Variants in AFF3 observed in about 807,000 individuals in gnomAD.
AFF3 encodes the protein AF4/FMR2 family member 3.
In AFF3, 32 loss-of-function variants were observed where a neutral mutation model predicts 129.7. The ratio of observed to expected loss-of-function variants is 0.25; its 90% confidence interval spans 0.19 to 0.33. The LOEUF (loss-of-function observed/expected upper bound fraction) is 0.33, where lower values mean the gene tolerates loss of function less well. Among genes scored for constraint, AFF3 ranks in the 10% least tolerant of loss-of-function variants. AFF3 has a pLI of 1.00. For missense variants in AFF3, 1,373 were observed against 1,592.0 expected, an observed-to-expected ratio of 0.86 and a Z score of 2.34; for synonymous variants, 644 against 635.4, an observed-to-expected ratio of 1.01 and a Z score of -0.20.
intron 7 of AFF3, among the ~76,000 whole-genome samples, chr2:99,959,339 CAAAAAA>C (rs34083581): frequency 1.5e-4 from 10 of 66,936 alleles, no homozygotes; most frequent in Non-Finnish European, 2.6e-4. Flanking sequence ...AAGAGTCTGC[CAAAAAA>C]AAAAAAAAAA....
At chr2:100,069,197 T>C (rs1687973879) in intron 4 of AFF3, among the ~76,000 whole-genome samples, 1 of 152,174 alleles carries the variant, frequency 6.6e-6, no homozygotes, top group Non-Finnish European at 1.5e-5. Flanking sequence ...TTTTTAACTG[T>C]GTGATACTGA....
At chr2:99,810,044 G>GT (rs2105579142) in intron 8 of AFF3, among the ~76,000 whole-genome samples, 1 of 152,298 alleles carries the variant, frequency 6.6e-6, no homozygotes, top group African/African-American at 2.4e-5. Flanking sequence ...CTGGACTACA[G>GT]TAAGTGCTCA....
At chr2:100,135,864 G>A (rs771482578) in intron 1 of AFF3, among the ~76,000 whole-genome samples, 3 of 152,180 alleles carry the variant, frequency 2.0e-5, no homozygotes, top group Non-Finnish European at 4.4e-5. Flanking sequence ...GAGACCATAG[G>A]ATCTAGGACC....
At position 99,588,003 on chromosome 2, in the gene AFF3, C is replaced by T. The variant is rs557904665; in HGVS notation, c.2467-725G>A. On this transcript the variant is annotated intron_variant, in intron 15 of 24. Transcript: ENST00000672756. Reference sequence around the variant, plus strand: ...CCAGCCTGGTGACAGAGTGAGACTCCGTCTCAAAAAAAAAAAAAAAAATTA... The same window carrying T: ...CCAGCCTGGTGACAGAGTGAGACTCTGTCTCAAAAAAAAAAAAAAAAATTA... 6.4e-4 allele frequency among the ~76,000 whole-genome samples: 90 copies of T among 140,350 alleles called. 1 individual carries two copies. Among genetic ancestry groups the T allele is most frequent in the Non-Finnish European group, 1.0e-3 (66 of 64,218 alleles). 92.1% of individuals were successfully genotyped at this position (140,350 alleles called of 152,430 possible).
intron 7 of AFF3, among the ~76,000 whole-genome samples, chr2:99,910,726 GCTA>G (rs1474268434): frequency 2.0e-5 from 3 of 152,188 alleles, no homozygotes; most frequent in African/African-American, 7.2e-5. Flanking sequence ...CTGTCTACAG[GCTA>G]CTTTTACTTA....
chr2:100,107,500 A>G (rs1479515590), intron 2 of AFF3: 4 of 985,182 alleles, frequency 4.1e-6, no homozygotes, highest in Admixed American at 6.1e-5. Flanking sequence ...AAAATGTTAG[A>G]GTGATGTTTT....
intron 7 of AFF3, among the ~76,000 whole-genome samples, chr2:99,979,496 T>C (rs949236063): frequency 9.5e-5 from 14 of 147,746 alleles, no homozygotes; most frequent in Non-Finnish European, 1.8e-4. Context: ...CTTTATCTCT[T>C]TTTTTTTTTT....
rs549983174 is a variant in AFF3 at position 99,549,339 on chromosome 2, CTT to C, written c.*2133_*2134del. 1.2e-3 allele frequency: 223 copies of C among 189,344 alleles called. 3 individuals carry two copies. In the Admixed American group the frequency reaches 0.012, roughly 10 times the overall value. 11.7% of individuals were successfully genotyped at this position (189,344 alleles called of 1,614,324 possible). A position where few individuals can be genotyped will look rare whatever the true frequency, so the allele number is the denominator to read the frequency against. On this transcript the variant is annotated 3_prime_UTR_variant, in exon 25 of 25. Transcript: ENST00000672756. ...GTGGCTCACGCCTGTAATCACAACA[CTT>C]TGGGAGGTGGAGGCGGGTAGATCAC...
chr2:99,554,449 C>G lies in AFF3; in HGVS notation c.3421G>C (p.Ala1141Pro), dbSNP rs368703010. Residue 1141 changes from alanine (A) to proline (P), a missense_variant, in exon 24 of 25, where the codon GCC (alanine) becomes CCC (proline). Around this residue, in one of 9 missense-constraint regions of AFF3, gnomAD observed 165 missense variants for 234.0 expected, o/e 0.71. Transcript: ENST00000672756. The part of the protein sequence containing the change: ...GSQGSLSNAS[A>P]LSPSTIVSIP... Reference sequence around the variant, plus strand: ...CTGACGATGGTCGACGGGGACAGGGCGCTGGCGTTGGAGAGGCTGCCCTGA... The same window carrying G: ...CTGACGATGGTCGACGGGGACAGGGGGCTGGCGTTGGAGAGGCTGCCCTGA... 4.8e-5 allele frequency: 78 copies of G among 1,613,858 alleles called. No homozygotes were observed. The highest frequency in any genetic ancestry group is 6.4e-5 in the Non-Finnish European group (76 of 1,180,022).
intron 4 of AFF3, among the ~76,000 whole-genome samples, chr2:100,016,349 TGGTGATGGTGGTAG>T (rs1683061689): frequency 6.9e-6 from 1 of 144,700 alleles, no homozygotes; most frequent in South Asian, 2.1e-4. Context: ...GTGATAGTGA[TGGTGATGGTGGTAG>T]TGATGGTGAT....
At chr2:100,041,161 G>T (rs1685393952) in intron 4 of AFF3, among the ~76,000 whole-genome samples, 1 of 152,174 alleles carries the variant, frequency 6.6e-6, no homozygotes, top group Non-Finnish European at 1.5e-5. Context: ...GTGATAGATG[G>T]GTTCACACGG....
chr2:99,883,621 T>C (rs1692890229), intron 7 of AFF3, among the ~76,000 whole-genome samples: 1 of 152,220 alleles, frequency 6.6e-6, no homozygotes, highest in Non-Finnish European at 1.5e-5. Flanking sequence ...TGGCAAGCCA[T>C]GATTTCATGG....
chr2:99,741,919 T>C (rs537117231), intron 10 of AFF3, among the ~76,000 whole-genome samples: 8 of 152,326 alleles, frequency 5.3e-5, no homozygotes, highest in Non-Finnish European at 7.3e-5. Flanking sequence ...TTCCTAACCA[T>C]ATACAAAAAC....
At chr2:100,034,261 T>C (rs1206492483) in intron 4 of AFF3, among the ~76,000 whole-genome samples, 1 of 152,170 alleles carries the variant, frequency 6.6e-6, no homozygotes, top group African/African-American at 2.4e-5. Flanking sequence ...AATTATTTTA[T>C]TGCAACACAT....
chr2:99,980,905 T>C (rs755828517), intron 7 of AFF3, among the ~76,000 whole-genome samples: 2 of 152,246 alleles, frequency 1.3e-5, no homozygotes, highest in Non-Finnish European at 2.9e-5. Flanking sequence ...ACAGACTGCA[T>C]ATTTATAAAA....
chr2:99,591,175 T>A (rs1301112301), intron 15 of AFF3, among the ~76,000 whole-genome samples: 1 of 152,050 alleles, frequency 6.6e-6, no homozygotes, highest in Non-Finnish European at 1.5e-5. Flanking sequence ...CTTTGGTACT[T>A]TATTTTTTAT....
At chr2:99,742,786 A>C (rs1680825528) in intron 10 of AFF3, among the ~76,000 whole-genome samples, 1 of 152,342 alleles carries the variant, frequency 6.6e-6, no homozygotes, top group South Asian at 2.1e-4. Context: ...TCATGCAGCT[A>C]TTGTAAAGAT....
chr2:99,938,803 A>T (rs975040852), intron 7 of AFF3, among the ~76,000 whole-genome samples: 1 of 152,108 alleles, frequency 6.6e-6, no homozygotes, highest in Non-Finnish European at 1.5e-5. Context: ...ATGTGAACCA[A>T]TTCTTTAATA....
intron 7 of AFF3, among the ~76,000 whole-genome samples, chr2:99,941,099 C>A (rs62147656): frequency 1.2e-4 from 19 of 152,126 alleles, no homozygotes; most frequent in Admixed American, 4.6e-4. Context: ...AAGCCCTGAG[C>A]AGGGAACGTG....
Sources: allele counts gnomAD v4.1 joint callset (sites outside exome capture counted in the v4.1 genomes callset), GRCh38; gene constraint gnomAD v4.1.1; regional missense constraint gnomAD v4.1.1; transcripts MANE v1.5; gene names NCBI Gene and HGNC (gene_info 2026-07-23, HGNC 2026-07-21).